Variants in SPECC1 observed in about 807,000 individuals in gnomAD.
SPECC1 encodes sperm antigen with calponin homology and coiled-coil domains 1.
In SPECC1, 62 loss-of-function variants were observed where a neutral mutation model predicts 104.1. The ratio of observed to expected loss-of-function variants is 0.60; its 90% confidence interval spans 0.49 to 0.74. The LOEUF (loss-of-function observed/expected upper bound fraction) is 0.74, where lower values mean the gene tolerates loss of function less well. SPECC1 is among the 30% of genes least tolerant of loss of function. SPECC1 has a pLI of 0.00. For synonymous variants in SPECC1, 513 were observed against 501.6 expected, an observed-to-expected ratio of 1.02 and a Z score of -0.30; for missense variants, 1,306 against 1,310.5, an observed-to-expected ratio of 1.00 and a Z score of 0.05.
chr17:20,228,914 G>A (rs56074205), intron 5 of SPECC1, among the ~76,000 whole-genome samples: 7,983 of 152,254 alleles, frequency 0.052, 288 homozygotes, highest in Non-Finnish European at 0.079. Flanking sequence ...AGAATAGCTT[G>A]GTCAGTTGCC....
At chr17:20,281,577 C>T (rs2040773554) in intron 12 of SPECC1, among the ~76,000 whole-genome samples, 1 of 152,164 alleles carries the variant, frequency 6.6e-6, no homozygotes, top group Non-Finnish European at 1.5e-5. Context: ...GCAGATGGCT[C>T]ATGAGGAGAT....
At chr17:20,198,271 A>G (rs765368028) in intron 3 of SPECC1, among the ~76,000 whole-genome samples, 4 of 152,220 alleles carry the variant, frequency 2.6e-5, no homozygotes, top group Non-Finnish European at 5.9e-5. Context: ...CCTCTGGGCA[A>G]GGTGGTTGCC....
At chr17:20,247,780 G>A (rs2039479866) in intron 9 of SPECC1, among the ~76,000 whole-genome samples, 1 of 152,088 alleles carries the variant, frequency 6.6e-6, no homozygotes, top group African/African-American at 2.4e-5. Context: ...ACAAATTTTT[G>A]ACCACTTAAG....
intron 1 of SPECC1, among the ~76,000 whole-genome samples, chr17:20,042,752 C>G (rs1417561211): frequency 2.0e-5 from 3 of 152,086 alleles, no homozygotes; most frequent in African/African-American, 4.8e-5. Flanking sequence ...AATCTGTGCC[C>G]CTTGGTGTTT....
At chr17:20,068,684 C>A (rs766452654) in intron 1 of SPECC1, among the ~76,000 whole-genome samples, 2 of 152,170 alleles carry the variant, frequency 1.3e-5, no homozygotes, top group African/African-American at 2.4e-5. Flanking sequence ...CCATCCCAGT[C>A]GATGTGGAGT....
chr17:20,132,158 G>T (rs933688383), intron 3 of SPECC1, among the ~76,000 whole-genome samples: 5 of 151,970 alleles, frequency 3.3e-5, no homozygotes, highest in African/African-American at 1.2e-4. Context: ...ATGTGATTAT[G>T]TGACTTTTCT....
In SPECC1 at chr17:20,180,164, G is replaced by T. The variant is rs554010136; in HGVS notation, c.284-24169G>T. On this transcript the variant is annotated intron_variant, in intron 3 of 14. Coordinates refer to ENST00000395527, the MANE Select transcript of SPECC1 (RefSeq NM_001243439.2). ...AGGATGATAGTGAGCACAGAGGTAA[G>T]CAGGCCAGGAAGGAATAAAGAGAAG... is the stretch of plus-strand genomic sequence containing the variant. Among the ~76,000 whole-genome samples, 112 of 152,302 alleles carry T rather than the reference G, an allele frequency of 7.4e-4. 2 individuals are homozygous for T. The South Asian group carries it at 0.022, about 30-fold the overall frequency.
At chr17:20,072,534 C>T (rs1490674104) in intron 1 of SPECC1, among the ~76,000 whole-genome samples, 1 of 152,236 alleles carries the variant, frequency 6.6e-6, no homozygotes. Flanking sequence ...CAAGGCAAAG[C>T]TGGATGGCCA....
At chr17:20,237,553 G>T (rs1598059401) in intron 7 of SPECC1, 2 of 193,474 alleles carry the variant, frequency 1.0e-5, no homozygotes. Context: ...GACCTCAGGT[G>T]ATCCCCACCT....
At chr17:20,250,595 T>C (rs2039586264) in intron 9 of SPECC1, among the ~76,000 whole-genome samples, 1 of 152,248 alleles carries the variant, frequency 6.6e-6, no homozygotes, top group Non-Finnish European at 1.5e-5. Context: ...ACCTATAATT[T>C]ATATCTTTTC....
At chr17:20,223,011 T>C (rs1215950897) in intron 4 of SPECC1, among the ~76,000 whole-genome samples, 1 of 152,202 alleles carries the variant, frequency 6.6e-6, no homozygotes, top group African/African-American at 2.4e-5. Flanking sequence ...TTTATTAAAA[T>C]GTCTTACTTG....
At chr17:20,053,796 ACT>A (rs2045862407) in intron 1 of SPECC1, among the ~76,000 whole-genome samples, 1 of 151,948 alleles carries the variant, frequency 6.6e-6, no homozygotes, top group South Asian at 2.1e-4. Flanking sequence ...CTCTTGAGAA[ACT>A]CTGAGCCAGA....
intron 1 of SPECC1, among the ~76,000 whole-genome samples, chr17:20,090,848 A>G (rs970026928): frequency 7.9e-5 from 12 of 152,240 alleles, no homozygotes; most frequent in Admixed American, 2.0e-4. Context: ...TGCATTTCAT[A>G]TTTGGGACTT....
At chr17:20,055,425 T>C (rs554037242) in intron 1 of SPECC1, among the ~76,000 whole-genome samples, 9 of 152,164 alleles carry the variant, frequency 5.9e-5, no homozygotes, top group East Asian at 1.9e-4. Context: ...CATTTTACAT[T>C]CTCATAAACA....
rs2046868500 is a variant in SPECC1 at position 20,079,005 on chromosome 17, G to GT, written c.-21-17625dup. Reference sequence around the variant, plus strand: ...GATTCTTGGGAGCAGGATGCTAGCTGTAGAAGCTCAAGGTTGGGAAAGTGA... The same window carrying GT: ...GATTCTTGGGAGCAGGATGCTAGCTGTTAGAAGCTCAAGGTTGGGAAAGTGA... On this transcript the variant is annotated intron_variant, in intron 1 of 14. Transcript: ENST00000395527. Among the ~76,000 whole-genome samples the GT allele has an allele frequency of 2.0e-5, 3 of 152,330 alleles. 1 individual carries two copies. The South Asian group carries it at 6.2e-4, about 32-fold the overall frequency.
At chr17:20,095,181 G>A (rs929533915) in intron 1 of SPECC1, among the ~76,000 whole-genome samples, 3 of 152,130 alleles carry the variant, frequency 2.0e-5, no homozygotes, top group Admixed American at 1.3e-4. Flanking sequence ...AAAATCGTGG[G>A]TTGAAGAAGA....
intron 3 of SPECC1, among the ~76,000 whole-genome samples, chr17:20,173,718 A>T (rs1210941893): frequency 6.6e-6 from 1 of 152,240 alleles, no homozygotes; most frequent in Non-Finnish European, 1.5e-5. Context: ...AGTTGTGTGA[A>T]TGCTGATTCA....
intron 7 of SPECC1, among the ~76,000 whole-genome samples, chr17:20,242,330 T>C (rs187571090): frequency 7.2e-4 from 110 of 152,280 alleles, no homozygotes; most frequent in Non-Finnish European, 1.2e-3. Context: ...ATTAGAGACA[T>C]GTATGTATAT....
At chr17:20,177,898 C>T (rs2034586316) in intron 3 of SPECC1, among the ~76,000 whole-genome samples, 2 of 151,234 alleles carry the variant, frequency 1.3e-5, no homozygotes, top group Admixed American at 6.6e-5. Flanking sequence ...TTACTAGAGA[C>T]GGGGTTTCAC....
Sources: allele counts gnomAD v4.1 joint callset (sites outside exome capture counted in the v4.1 genomes callset), GRCh38; gene constraint gnomAD v4.1.1; transcripts MANE v1.5; gene names NCBI Gene and HGNC (gene_info 2026-07-23, HGNC 2026-07-21).